The following GPANK1 variants were observed in gnomAD, a reference collection of about 807,000 sequenced individuals.
GPANK1 encodes the protein G-patch domain and ankyrin repeats 1.
In GPANK1, 22 loss-of-function variants were observed where a neutral mutation model predicts 24.0. The observed-to-expected ratio is 0.92, with a 90% CI of 0.66 to 1.31. The LOEUF (loss-of-function observed/expected upper bound fraction) is 1.31, where lower values mean the gene tolerates loss of function less well. GPANK1 is among the 50% of genes most tolerant of loss of function. GPANK1 has a pLI of 0.00. For missense variants in GPANK1, 469 were observed against 453.5 expected (o/e 1.03, Z -0.31); for synonymous variants, 174 against 177.4 (o/e 0.98, Z 0.15).
chr6:31,662,582 C>G lies in GPANK1; in HGVS notation c.755G>C (p.Gly252Ala). 1 of 1,612,992 alleles carries G rather than the reference C, an allele frequency of 6.2e-7. No individual in the cohort carries two copies. Among genetic ancestry groups the G allele is most frequent in the Non-Finnish European group, 8.5e-7 (1 of 1,180,004 alleles). Residue 252 changes from glycine (G) to alanine (A), a missense_variant, in exon 3 of 3, where the codon GGG becomes GCG. Gly to Ala is a moderately conservative substitution (Grantham distance 60, BLOSUM62 0). Transcript: ENST00000375896. This position sits in a 1 kb window ranked among gnomAD's most constrained non-coding sequence, Gnocchi z 5.5. ...QGPQPPNLPL[G>A]VPISSPGFKL... ...GAAGCCCGGGCTGGAGATGGGCACCCCAAGTGGAAGGTTGGGAGGCTGAGG... is the reference window on the plus strand; with the variant it reads ...GAAGCCCGGGCTGGAGATGGGCACCGCAAGTGGAAGGTTGGGAGGCTGAGG...
upstream of GPANK1, chr6:31,666,184 C>A (rs568249646): frequency 7.9e-4 from 787 of 993,536 alleles, no homozygotes; most frequent in Non-Finnish European, 9.0e-4. Context: ...CCTACCCCAC[C>A]CCAGTCCTGG....
rs756886388 is a variant in GPANK1 at position 31,664,172 on chromosome 6, T to C, written c.307A>G (p.Lys103Glu). 1 of 1,614,252 alleles carries C rather than the reference T, an allele frequency of 6.2e-7. No homozygotes were observed. The highest frequency in any genetic ancestry group is 8.5e-7 in the Non-Finnish European group (1 of 1,180,032). ...GCCCTCAGTATCCGGTGAGTCATCT[T>C]ATCCTCAGCCTCAAGGGATCTCCCT... Reference protein sequence around the residue: ...GQGRSLEAEDKMTHRILRAAQ... With the variant: ...GQGRSLEAEDEMTHRILRAAQ... Residue 103 changes from lysine to glutamate, a missense_variant, in exon 2 of 3, where the codon AAG becomes GAG. By Grantham distance (56) the Lys-to-Glu change is moderately conservative (BLOSUM62 1). Coordinates refer to ENST00000375896, the MANE Select transcript of GPANK1 (RefSeq NM_033177.4).
At chr6:31,665,681 T>C (rs1275386153), upstream of GPANK1, 4 of 816,146 alleles carry the variant, frequency 4.9e-6, no homozygotes, top group African/African-American at 3.4e-5. Context: ...ACCCAGCGGA[T>C]TGGCCGAGGA....
intron 2 of GPANK1, chr6:31,663,297 A>C (rs962432032): frequency 1.9e-5 from 3 of 153,902 alleles, no homozygotes; most frequent in Non-Finnish European, 4.3e-5. Context: ...AGGCTGGTCC[A>C]AAGGTGGTGG....
Position 31,664,376 on chromosome 6 carries a change from G to A in GPANK1, c.103C>T (p.Leu35=). The A allele has an allele frequency of 1.2e-6, 2 of 1,614,182 alleles. No homozygotes were observed. Among genetic ancestry groups the A allele is most frequent in the Non-Finnish European group, 8.5e-7 (1 of 1,180,016 alleles). Reference sequence around the variant, plus strand: ...AAAGCTCGGGCTGCAGCCCCATCCAGGGTGGACTCTGGCTTCTCGGGCTGT... The same window carrying A: ...AAAGCTCGGGCTGCAGCCCCATCCAAGGTGGACTCTGGCTTCTCGGGCTGT... ...QPQPEKPEST[L]DGAAARAFYE... Residue 35 remains leucine, a synonymous_variant, in exon 2 of 3, where the codon CTG becomes TTG. Coordinates refer to ENST00000375896, the MANE Select transcript of GPANK1 (RefSeq NM_033177.4).
upstream of GPANK1, chr6:31,665,750 C>A: frequency 1.1e-6 from 1 of 927,682 alleles, no homozygotes; most frequent in Non-Finnish European, 1.6e-6. Flanking sequence ...GTGAGGAGAG[C>A]TGCGGAAAGA....
chr6:31,662,815 C>T lies in GPANK1; in HGVS notation c.627-105G>A, dbSNP rs1296889733. 7.2e-6 allele frequency: 5 copies of T among 699,300 alleles called. No homozygotes were observed. Among genetic ancestry groups the T allele is most frequent in the Non-Finnish European group, 1.2e-5 (5 of 428,694 alleles). The allele number at this position is 699,300 out of a possible 1,614,324, so 43.3% of individuals were successfully genotyped here. The stretch of plus-strand genomic sequence containing the variant: ...GTAGAATAGGATCTTTTCAGCTTTT[C>T]TGCTAAGGAACAAATTGCCAGCTAG... On this transcript the variant is annotated intron_variant, in intron 2 of 2. Coordinates refer to ENST00000375896, the MANE Select transcript of GPANK1 (RefSeq NM_033177.4). The surrounding 1 kb of genome is among the most constrained non-coding windows in gnomAD (Gnocchi z 5.5).
upstream of GPANK1, chr6:31,665,325 C>T: frequency 1.1e-6 from 1 of 922,816 alleles, no homozygotes; most frequent in East Asian, 2.6e-5. Flanking sequence ...TTAGGAAAGG[C>T]CCTCAGGAGG....
upstream of GPANK1, chr6:31,665,361 G>C: frequency 7.9e-7 from 1 of 1,261,000 alleles, no homozygotes; most frequent in South Asian, 1.3e-5. Context: ...GGAATGCCGA[G>C]AAGCCGTGTA....
At position 31,662,394 on chromosome 6, in the gene GPANK1, G is replaced by A. The variant is rs548153346; in HGVS notation, c.943C>T (p.Arg315Ter). The change falls in exon 3 of 3, where the codon CGA becomes TGA. Residue 315 changes from arginine to a stop codon, truncating the protein, a stop_gained. Coordinates refer to ENST00000375896, the MANE Select transcript of GPANK1 (RefSeq NM_033177.4). LOFTEE classifies it high-confidence loss of function. This position sits in a 1 kb window ranked among gnomAD's most constrained non-coding sequence, Gnocchi z 5.5. ...RVTHFPAWDT[R>*]AVAGRERPPR... ...GGTCTCTCCCTCCCAGCCACAGCTC[G>A]GGTATCCCAAGCTGGGAAATGTGTC... 5.6e-5 allele frequency: 90 copies of A among 1,612,572 alleles called. No individual in the cohort carries two copies. The East Asian group carries it at 1.2e-3, about 22-fold the overall frequency.
upstream of GPANK1, chr6:31,665,790 C>A: frequency 8.8e-7 from 1 of 1,136,036 alleles, no homozygotes; most frequent in Non-Finnish European, 1.2e-6. Flanking sequence ...CTTTCCCCGC[C>A]CTAAGTCAGC....
chr6:31,664,511 G>C lies in GPANK1; in HGVS notation c.-33C>G. 6.5e-7 allele frequency: 1 copy of C among 1,547,370 alleles called. No homozygotes were observed. Among genetic ancestry groups the C allele is most frequent in the Non-Finnish European group, 8.8e-7 (1 of 1,130,766 alleles). Reference sequence around the variant, plus strand: ...GGGAGAACTGAGAAAATGATACCAGGCAAGGGAAGGATGAGACAAGTAAGC... The same window carrying C: ...GGGAGAACTGAGAAAATGATACCAGCCAAGGGAAGGATGAGACAAGTAAGC... On this transcript the variant is annotated 5_prime_UTR_variant, in exon 2 of 3. Transcript: ENST00000375896.
Position 31,661,804 on chromosome 6 carries a change from T to G in GPANK1, c.*462A>C, listed in dbSNP as rs1800885708. The G allele has an allele frequency of 6.0e-6, 1 of 166,366 alleles. No homozygotes were observed. The highest frequency in any genetic ancestry group is 2.4e-5 in the African/African-American group (1 of 41,150). 10.3% of individuals were successfully genotyped at this position (166,366 alleles called of 1,614,324 possible). ...ACCTGTATTCTTGGCACATAGTATA[T>G]GGACTTATGTTTGTGAAATCAGTGA... On this transcript the variant is annotated 3_prime_UTR_variant, in exon 3 of 3. Coordinates refer to ENST00000375896, the MANE Select transcript of GPANK1 (RefSeq NM_033177.4).
intron 2 of GPANK1, among the ~76,000 whole-genome samples, 197 bp downstream of exon 2, chr6:31,663,656 T>C (rs1021672813): frequency 2.6e-5 from 4 of 152,240 alleles, no homozygotes; most frequent in Non-Finnish European, 5.9e-5. Context: ...GACATTAGGT[T>C]GTTTGCCCAA....
rs1006154745 is a variant in GPANK1 at position 31,662,942 on chromosome 6, G to A, written c.627-232C>T. Among the ~76,000 whole-genome samples the A allele has an allele frequency of 4.1e-5, 6 of 145,664 alleles. No individual in the cohort carries two copies. The highest frequency in any genetic ancestry group is 7.5e-5 in the Non-Finnish European group (5 of 66,986). ...AGACCAGCCTGGGCAAAATGGCAAC[G>A]CCTGCTTTTTTTTTTTTTTTTTTTG... is the stretch of plus-strand genomic sequence containing the variant. On this transcript the variant is annotated intron_variant, in intron 2 of 2. Transcript: ENST00000375896. The surrounding 1 kb of genome is among the most constrained non-coding windows in gnomAD (Gnocchi z 5.5).
chr6:31,663,203 A>G (rs1204281142), intron 2 of GPANK1: 1 of 136,696 alleles, frequency 7.3e-6, no homozygotes, highest in Non-Finnish European at 1.5e-5. Context: ...CGACAGAGTG[A>G]GATGAGTGAG....
chr6:31,663,448 A>G (rs1321299761), intron 2 of GPANK1: 1 of 183,958 alleles, frequency 5.4e-6, no homozygotes, highest in African/African-American at 2.3e-5. Context: ...AGAATAGTTG[A>G]AAGAAAAAAA....
intron 1 of GPANK1, 31 bp from the exon 2 acceptor site, chr6:31,664,608 A>C (rs1801388133): frequency 6.0e-6 from 4 of 668,008 alleles, no homozygotes; most frequent in Non-Finnish European, 2.5e-6. Flanking sequence ...AGTCAAAAAC[A>C]CTTTCCTGCC....
At position 31,662,564 on chromosome 6, in the gene GPANK1, G is replaced by A. The variant is rs768856701; in HGVS notation, c.773C>T (p.Pro258Leu). ...NLPLGVPISS[P>L]GFKLLLRGGW... ...CCCCCTCAGCAGCAGTTTGAAGCCC[G>A]GGCTGGAGATGGGCACCCCAAGTGG... Residue 258 changes from proline (P) to leucine (L), a missense_variant, in exon 3 of 3, where the codon CCG (proline) becomes CTG (leucine). By Grantham distance (98) the Pro-to-Leu change is moderately conservative (BLOSUM62 -3). Transcript: ENST00000375896. The surrounding 1 kb of genome is among the most constrained non-coding windows in gnomAD (Gnocchi z 5.5). 149 of 1,612,920 alleles carry A rather than the reference G, an allele frequency of 9.2e-5. No homozygotes were observed. Among genetic ancestry groups the A allele is most frequent in the Non-Finnish European group, 1.1e-4 (133 of 1,180,024 alleles).
Sources: gnomAD v4.1 joint callset for allele counts (sites outside exome capture counted in the v4.1 genomes callset) on GRCh38, gnomAD v4.1.1 for gene constraint, Gnocchi (gnomAD v3.1) non-coding constraint, MANE v1.5 for transcripts, NCBI Gene and HGNC (gene_info 2026-07-23, HGNC 2026-07-21) for gene names.